The following GPBP1 variants were observed in gnomAD, a reference collection of about 807,000 sequenced individuals.
GPBP1 encodes GC-rich promoter binding protein 1, also known as vasculin.
A neutral mutation model predicts 56.5 loss-of-function variants in GPBP1; 13 were observed. The observed-to-expected ratio is 0.23, with a 90% CI of 0.15 to 0.37. The LOEUF (loss-of-function observed/expected upper bound fraction) is 0.37. GPBP1 is among the 10% of genes least tolerant of loss of function. The pLI is 1.00. For synonymous variants in GPBP1, 204 were observed against 188.9 expected (o/e 1.08, Z -0.66); for missense variants, 477 against 572.3 (o/e 0.83, Z 1.70).
chr5:57,213,982 T>G (rs1755601542), intron 2 of GPBP1, 92 bp from the exon 3 acceptor site: 3 of 618,132 alleles, frequency 4.9e-6, no homozygotes, highest in East Asian at 5.6e-5. Flanking sequence ...AATAGAATCC[T>G]ATAGTAGTAA....
At chr5:57,261,977 G>T (rs539253438) in intron 11 of GPBP1, among the ~76,000 whole-genome samples, 1 of 152,210 alleles carries the variant, frequency 6.6e-6, no homozygotes, top group Admixed American at 6.5e-5. Flanking sequence ...AAATTTCTGG[G>T]CTCAAGCAAT....
intron 3 of GPBP1, among the ~76,000 whole-genome samples, chr5:57,219,405 C>CAAAA (rs1200185260): frequency 3.8e-4 from 13 of 34,190 alleles, no homozygotes; most frequent in African/African-American, 7.1e-4. Context: ...AAAAAAAAAC[C>CAAAA]AAAAACAAAC....
At chr5:57,184,722 A>G (rs1004232988) in intron 2 of GPBP1, among the ~76,000 whole-genome samples, 2 of 152,192 alleles carry the variant, frequency 1.3e-5, no homozygotes, top group African/African-American at 4.8e-5. Flanking sequence ...GTGTAACTGC[A>G]GAATCAGAAT....
chr5:57,185,073 T>G (rs1242815007), intron 2 of GPBP1, among the ~76,000 whole-genome samples: 3 of 152,176 alleles, frequency 2.0e-5, no homozygotes, highest in Non-Finnish European at 4.4e-5. Flanking sequence ...CTGTTGCAAA[T>G]AAAGTGAATA....
intron 6 of GPBP1, among the ~76,000 whole-genome samples, chr5:57,242,596 C>T (rs1198953992): frequency 2.0e-5 from 3 of 151,928 alleles, no homozygotes; most frequent in African/African-American, 4.8e-5. Context: ...TAGGCTCAAG[C>T]GATCTTCCTG....
In GPBP1 at chr5:57,237,349, A is replaced by G. The variant is rs182822462; in HGVS notation, c.478+1317A>G. On this transcript the variant is annotated intron_variant, in intron 6 of 11. Transcript: ENST00000506184. ...GCGTTTGTCATATAAAACTATCTAT[A>G]GATACTATTGGTACTGATCCTGGGT... is the stretch of plus-strand genomic sequence containing the variant. 1.0e-3 allele frequency: 638 copies of G among 616,334 alleles called. 1 individual carries two copies. Among genetic ancestry groups the G allele is most frequent in the Non-Finnish European group, 1.6e-3 (554 of 346,254 alleles). The allele number at this position is 616,334 out of a possible 1,614,324, so 38.2% of individuals were successfully genotyped here.
chr5:57,180,143 G>T (rs1373511361), intron 2 of GPBP1, among the ~76,000 whole-genome samples: 1 of 152,134 alleles, frequency 6.6e-6, no homozygotes, highest in African/African-American at 2.4e-5. Context: ...CTGAGACGGA[G>T]TTTTGCTGTC....
chr5:57,244,596 C>T (rs1229881786), intron 6 of GPBP1, among the ~76,000 whole-genome samples: 1 of 152,126 alleles, frequency 6.6e-6, no homozygotes, highest in Non-Finnish European at 1.5e-5. Flanking sequence ...AAGATTTTCT[C>T]TCACATTTTA....
chr5:57,225,491 C>CAAAA (rs554699501), intron 3 of GPBP1, among the ~76,000 whole-genome samples: 21 of 37,944 alleles, frequency 5.5e-4, no homozygotes, highest in South Asian at 9.7e-4. Flanking sequence ...GATTCCTTCT[C>CAAAA]AAAAAAAAAA....
chr5:57,237,031 TG>T, intron 6 of GPBP1: 1 of 666,864 alleles, frequency 1.5e-6, no homozygotes, highest in Non-Finnish European at 2.4e-6. Context: ...GGGGTGGGGG[TG>T]GTCAGACACT....
At chr5:57,236,568 C>G (rs1446558356) in intron 6 of GPBP1, among the ~76,000 whole-genome samples, 1 of 152,060 alleles carries the variant, frequency 6.6e-6, no homozygotes, top group African/African-American at 2.4e-5. Flanking sequence ...ATTTTCAAAG[C>G]TTAATGAGAG....
At chr5:57,198,003 C>T (rs1032454636) in intron 2 of GPBP1, among the ~76,000 whole-genome samples, 5 of 151,840 alleles carry the variant, frequency 3.3e-5, no homozygotes, top group African/African-American at 1.2e-4. Context: ...CCCATATTAG[C>T]TCCTTATTTG....
chr5:57,182,259 T>G (rs558846150), intron 2 of GPBP1, among the ~76,000 whole-genome samples: 54 of 152,056 alleles, frequency 3.6e-4, no homozygotes, highest in Admixed American at 1.2e-3. Context: ...AAGTTTTGTA[T>G]TTTTAGTAGA....
At chr5:57,232,147 C>A (rs1237176224) in intron 5 of GPBP1, among the ~76,000 whole-genome samples, 1 of 151,974 alleles carries the variant, frequency 6.6e-6, no homozygotes. Flanking sequence ...TTGAGTAGCT[C>A]CTCTAGGACT....
At chr5:57,249,108 T>C in intron 8 of GPBP1, 1 of 213,894 alleles carries the variant, frequency 4.7e-6, no homozygotes, top group Admixed American at 5.3e-5. Context: ...AAGCTGCTCT[T>C]CTGTGTATTA....
chr5:57,224,245 T>A (rs1194382724), intron 3 of GPBP1, among the ~76,000 whole-genome samples: 1 of 149,058 alleles, frequency 6.7e-6, no homozygotes, highest in East Asian at 2.0e-4. Context: ...CTCCTGATCC[T>A]CTTTTTTTTT....
At chr5:57,222,398 A>G (rs555476686) in intron 3 of GPBP1, among the ~76,000 whole-genome samples, 20 of 152,348 alleles carry the variant, frequency 1.3e-4, no homozygotes, top group African/African-American at 2.2e-4. Context: ...CATCAGTTTA[A>G]TAAGTTTTTT....
chr5:57,250,961 A>G lies in GPBP1; in HGVS notation c.980A>G (p.Asp327Gly), dbSNP rs1471012339. 1.3e-6 allele frequency: 2 copies of G among 1,567,158 alleles called. No homozygotes were observed. Among genetic ancestry groups the G allele is most frequent in the East Asian group, 4.6e-5 (2 of 43,694 alleles). Reference protein sequence around the residue: ...ESRAGSEKDDDSFNLHNSNST... With the variant: ...ESRAGSEKDDGSFNLHNSNST... ...TAACTCTCTAAAAATCAGGATGACG[A>G]CTCATTTAATTTACATAACAGCAAT... The change falls in exon 10 of 12, where the codon GAC (aspartate) becomes GGC (glycine). Residue 327 changes from aspartate to glycine, a missense_variant. Around this residue, in one of 2 missense-constraint regions of GPBP1, gnomAD observed 414 missense variants for 458.2 expected, o/e 0.90. Coordinates refer to ENST00000506184, the MANE Select transcript of GPBP1 (RefSeq NM_022913.4).
intron 5 of GPBP1, among the ~76,000 whole-genome samples, chr5:57,233,724 C>G (rs893922600): frequency 6.6e-6 from 1 of 152,044 alleles, no homozygotes; most frequent in African/African-American, 2.4e-5. Flanking sequence ...AGGGGTTGGT[C>G]TTGCTGTCTC....
Sources: allele counts gnomAD v4.1 joint callset (sites outside exome capture counted in the v4.1 genomes callset), GRCh38; gene constraint gnomAD v4.1.1; regional missense constraint gnomAD v4.1.1; transcripts MANE v1.5; gene names NCBI Gene and HGNC (gene_info 2026-07-23, HGNC 2026-07-21).